Variants in NRXN1 observed in about 807,000 individuals in gnomAD.
NRXN1 encodes neurexin 1.
NRXN1 carries 39 observed loss-of-function variants against 150.9 expected under a neutral mutation model. The observed-to-expected ratio is 0.26, with a 90% CI of 0.20 to 0.34. The LOEUF (loss-of-function observed/expected upper bound fraction) is 0.34, where lower values mean the gene tolerates loss of function less well. Ranked by LOEUF, NRXN1 falls within the 10% of genes least tolerant of loss-of-function variation. NRXN1 has a pLI of 1.00. For missense variants in NRXN1, 1,815 were observed against 1,949.9 expected (o/e 0.93, Z 1.30); for synonymous variants, 924 against 757.0 (o/e 1.22, Z -3.62).
At chr2:50,405,518 C>G (rs139528857) in intron 17 of NRXN1, among the ~76,000 whole-genome samples, 378 of 152,194 alleles carry the variant, frequency 2.5e-3, no homozygotes, top group African/African-American at 8.6e-3. Flanking sequence ...TAAAACAAAA[C>G]TTCTTTCTAT....
chr2:50,082,916 A>T (rs1326812624), intron 19 of NRXN1, among the ~76,000 whole-genome samples: 1 of 152,220 alleles, frequency 6.6e-6, no homozygotes, highest in Non-Finnish European at 1.5e-5. Flanking sequence ...TATCTGAAGA[A>T]ATTAATTTCT....
intron 5 of NRXN1, among the ~76,000 whole-genome samples, chr2:50,891,559 T>A (rs1038996551): frequency 2.7e-4 from 41 of 152,170 alleles, no homozygotes; most frequent in African/African-American, 8.7e-4. Context: ...GCTCAAGAGG[T>A]AGACTTCTAT....
intron 21 of NRXN1, among the ~76,000 whole-genome samples, chr2:49,953,760 AGT>A (rs1361669482): frequency 6.6e-6 from 1 of 152,080 alleles, no homozygotes; most frequent in Non-Finnish European, 1.5e-5. Flanking sequence ...CATTTTGGAA[AGT>A]GTAAAAGTGC....
At chr2:50,365,959 C>G (rs981088873) in intron 17 of NRXN1, among the ~76,000 whole-genome samples, 5 of 151,832 alleles carry the variant, frequency 3.3e-5, no homozygotes, top group Non-Finnish European at 7.4e-5. Context: ...AGGTCTGTAG[C>G]CAAGTGGAAT....
chr2:50,474,305 G>C (rs1229833523), intron 15 of NRXN1, among the ~76,000 whole-genome samples: 1 of 151,802 alleles, frequency 6.6e-6, no homozygotes, highest in East Asian at 1.9e-4. Flanking sequence ...TAGACTCTTC[G>C]AGGAATGAAA....
intron 5 of NRXN1, among the ~76,000 whole-genome samples, chr2:50,891,432 A>G (rs1681051696): frequency 6.6e-6 from 1 of 152,028 alleles, no homozygotes; most frequent in African/African-American, 2.4e-5. Context: ...ACATAAATGG[A>G]ATTGTTCTGT....
At chr2:50,528,288 A>G (rs912726780) in intron 12 of NRXN1, among the ~76,000 whole-genome samples, 2 of 152,110 alleles carry the variant, frequency 1.3e-5, no homozygotes, top group South Asian at 2.1e-4. Flanking sequence ...AGAAAATAAG[A>G]CCCACAATAT....
chr2:50,852,645 C>A (rs1674687887), intron 5 of NRXN1, among the ~76,000 whole-genome samples: 1 of 152,068 alleles, frequency 6.6e-6, no homozygotes, highest in Admixed American at 6.5e-5. Context: ...TAGAAAATGT[C>A]AAATTTAATT....
At chr2:50,746,707 G>C (rs942490470) in intron 5 of NRXN1, among the ~76,000 whole-genome samples, 1 of 152,136 alleles carries the variant, frequency 6.6e-6, no homozygotes, top group African/African-American at 2.4e-5. Context: ...CTGGCCACTA[G>C]AGGGCTGCTG....
At chr2:50,458,650 G>C (rs143281172) in intron 17 of NRXN1, among the ~76,000 whole-genome samples, 22,710 of 151,540 alleles carry the variant, frequency 0.15, 2,658 homozygotes, top group East Asian at 0.52. Context: ...CACAATCTTG[G>C]CTCACTGCAA....
chr2:50,887,799 C>T (rs965721134), intron 5 of NRXN1, among the ~76,000 whole-genome samples: 14 of 151,388 alleles, frequency 9.2e-5, no homozygotes. Context: ...GGGTGTTCAG[C>T]AACAGATTCA....
At chr2:50,554,042 G>C (rs897068162) in intron 8 of NRXN1, among the ~76,000 whole-genome samples, 1 of 152,108 alleles carries the variant, frequency 6.6e-6, no homozygotes, top group African/African-American at 2.4e-5. Flanking sequence ...GGGTGAATTA[G>C]TTATCTAGGT....
intron 17 of NRXN1, among the ~76,000 whole-genome samples, chr2:50,333,659 G>A (rs765017389): frequency 6.6e-6 from 1 of 151,916 alleles, no homozygotes; most frequent in African/African-American, 2.4e-5. Flanking sequence ...CACAAGGCAG[G>A]CATGTTAAGT....
chr2:50,540,607 AG>A (rs1335994054), intron 9 of NRXN1, among the ~76,000 whole-genome samples: 2 of 152,084 alleles, frequency 1.3e-5, no homozygotes, highest in African/African-American at 4.8e-5. Context: ...CACTTTAAAA[AG>A]CACATATTAT....
At chr2:49,986,108 G>A (rs1006796834) in intron 21 of NRXN1, among the ~76,000 whole-genome samples, 6 of 152,126 alleles carry the variant, frequency 3.9e-5, no homozygotes, top group Admixed American at 1.3e-4. Flanking sequence ...ATGTGACTTC[G>A]ATCTAAATGA....
intron 17 of NRXN1, among the ~76,000 whole-genome samples, chr2:50,457,942 AAC>A (rs2087743987): frequency 6.6e-6 from 1 of 152,176 alleles, no homozygotes. Flanking sequence ...CAAAAAATCA[AAC>A]ACATAACTAC....
chr2:50,264,205 A>G (rs973178517), intron 17 of NRXN1, among the ~76,000 whole-genome samples: 2 of 152,142 alleles, frequency 1.3e-5, no homozygotes, highest in African/African-American at 2.4e-5. Flanking sequence ...TATTTTCCTT[A>G]AAGAAAAACA....
At chr2:50,538,741 C>T in intron 9 of NRXN1, 105 bp from the exon 10 acceptor site, 3 of 879,782 alleles carry the variant, frequency 3.4e-6, no homozygotes, top group Non-Finnish European at 4.7e-6. Context: ...TGGAGGCAGA[C>T]AATTATTATT....
At chr2:50,955,396 G>A (rs1246580875) in intron 2 of NRXN1, among the ~76,000 whole-genome samples, 2 of 152,158 alleles carry the variant, frequency 1.3e-5, no homozygotes, top group South Asian at 2.1e-4. Context: ...TGGTTACACA[G>A]CATTTAATGC....
Sources: gnomAD v4.1 joint callset for allele counts (sites outside exome capture counted in the v4.1 genomes callset) on GRCh38, gnomAD v4.1.1 for gene constraint, MANE v1.5 for transcripts, NCBI Gene and HGNC (gene_info 2026-07-23, HGNC 2026-07-21) for gene names.